The following ZFAT variants were observed in gnomAD, a reference collection of about 807,000 sequenced individuals.
ZFAT encodes the protein zinc finger and AT-hook domain containing.
In ZFAT, 64 loss-of-function variants were observed where a neutral mutation model predicts 117.7. The ratio of observed to expected loss-of-function variants is 0.54; its 90% CI spans 0.44 to 0.67. The LOEUF is 0.67. ZFAT is among the 30% of genes least tolerant of loss of function. The pLI, the probability that ZFAT is intolerant of heterozygous loss-of-function variation, is 0.00. For synonymous variants in ZFAT, 679 were observed against 615.0 expected (o/e 1.10, Z -1.54); for missense variants, 1,433 against 1,584.5 (o/e 0.90, Z 1.62).
chr8:134,743,086 C>T, the ZFAT span, among the ~76,000 whole-genome samples: 1 of 152,264 alleles, frequency 6.6e-6, no homozygotes, highest in Non-Finnish European at 1.5e-5. Context: ...AGTGGCCGAT[C>T]CATGACTGAA....
chr8:134,562,953 G>A (rs923810602), intron 11 of ZFAT, among the ~76,000 whole-genome samples: 1 of 152,188 alleles, frequency 6.6e-6, no homozygotes, highest in African/African-American at 2.4e-5. Flanking sequence ...AGGAATGATT[G>A]AAAAGTCTAG....
chr8:134,494,495 C>T (rs1048151525), intron 15 of ZFAT, among the ~76,000 whole-genome samples: 2 of 152,162 alleles, frequency 1.3e-5, no homozygotes, highest in African/African-American at 4.8e-5. Flanking sequence ...CTGACGCACA[C>T]TCTTCTCCCC....
the ZFAT span, among the ~76,000 whole-genome samples, chr8:134,781,124 C>A: frequency 4.3e-4 from 66 of 151,988 alleles, no homozygotes; most frequent in East Asian, 3.3e-3. Flanking sequence ...TAGAAATCTT[C>A]TTATTATTTA....
intron 7 of ZFAT, among the ~76,000 whole-genome samples, chr8:134,592,772 T>C (rs1260643182): frequency 6.6e-6 from 1 of 152,080 alleles, no homozygotes; most frequent in Non-Finnish European, 1.5e-5. Flanking sequence ...AGGAGCACCC[T>C]CCACCTCCTT....
intron 9 of ZFAT, among the ~76,000 whole-genome samples, chr8:134,585,155 G>C (rs1190164744): frequency 2.0e-5 from 3 of 152,166 alleles, no homozygotes; most frequent in Admixed American, 6.5e-5. Flanking sequence ...CAGAGCACCA[G>C]ATCCCTCGTT....
At chr8:134,765,255 A>G in the ZFAT span, 1 of 152,254 alleles carries the variant, frequency 6.6e-6, no homozygotes, top group Non-Finnish European at 1.5e-5. Context: ...TGCTTTCACT[A>G]GACTGAACCA....
chr8:134,500,912 T>C (rs995501777), intron 15 of ZFAT, among the ~76,000 whole-genome samples: 2 of 152,242 alleles, frequency 1.3e-5, no homozygotes, highest in African/African-American at 4.8e-5. Flanking sequence ...GCTACCTGCA[T>C]GTATAATTAG....
intron 11 of ZFAT, among the ~76,000 whole-genome samples, chr8:134,544,842 G>A (rs2130655000): frequency 6.6e-6 from 1 of 152,268 alleles, no homozygotes; most frequent in South Asian, 2.1e-4. Flanking sequence ...ACCAAGAGAG[G>A]CTAATGCATG....
chr8:134,818,073 T>C, the ZFAT span, among the ~76,000 whole-genome samples: 6 of 152,164 alleles, frequency 3.9e-5, no homozygotes, highest in African/African-American at 9.7e-5. Context: ...TTTGTTGACC[T>C]TGAATTACGC....
the ZFAT span, among the ~76,000 whole-genome samples, chr8:134,824,940 C>CTGGCATAAG: frequency 6.6e-6 from 1 of 152,180 alleles, no homozygotes; most frequent in South Asian, 2.1e-4. Context: ...TAGAATGTAA[C>CTGGCATAAG]TGGCATAAGT....
intron 1 of ZFAT, among the ~76,000 whole-genome samples, chr8:134,661,450 C>G (rs983380757): frequency 3.9e-5 from 6 of 152,336 alleles, no homozygotes; most frequent in East Asian, 3.9e-4. Context: ...TGTGCCAGCT[C>G]CCCTGCGTGT....
intron 1 of ZFAT, among the ~76,000 whole-genome samples, chr8:134,691,916 AC>A (rs1259582536): frequency 2.6e-5 from 4 of 152,274 alleles, no homozygotes; most frequent in East Asian, 1.9e-4. Context: ...CACTTAAGAA[AC>A]CCTGAGAATA....
At chr8:134,525,408 T>A (rs1820952448) in intron 12 of ZFAT, among the ~76,000 whole-genome samples, 1 of 152,230 alleles carries the variant, frequency 6.6e-6, no homozygotes, top group Non-Finnish European at 1.5e-5. Flanking sequence ...TATCTCAGGC[T>A]GCTATGTTTA....
At chr8:134,717,120 T>C (rs1016673939), upstream of ZFAT, among the ~76,000 whole-genome samples, 3 of 152,210 alleles carry the variant, frequency 2.0e-5, no homozygotes. Flanking sequence ...ATTAAACTGC[T>C]ATATGGCCCT....
chr8:134,704,019 T>C (rs1834082590), intron 1 of ZFAT, among the ~76,000 whole-genome samples: 1 of 152,184 alleles, frequency 6.6e-6, no homozygotes, highest in Non-Finnish European at 1.5e-5. Context: ...GTGGGGACCA[T>C]TTTCATGTAA....
chr8:134,734,082 G>A, the ZFAT span, among the ~76,000 whole-genome samples: 1 of 152,224 alleles, frequency 6.6e-6, no homozygotes, highest in Non-Finnish European at 1.5e-5. Context: ...CCGTTATTAA[G>A]GGGTTTTTGC....
chr8:134,796,995 A>G, the ZFAT span: 1 of 152,322 alleles, frequency 6.6e-6, no homozygotes, highest in East Asian at 1.9e-4. Flanking sequence ...TTATAACATT[A>G]AAAAAGTTTA....
chr8:134,779,847 G>A, the ZFAT span, among the ~76,000 whole-genome samples: 2 of 152,136 alleles, frequency 1.3e-5, no homozygotes, highest in East Asian at 1.9e-4. Flanking sequence ...TATATTGATC[G>A]TTTTATACCC....
the ZFAT span, among the ~76,000 whole-genome samples, chr8:134,726,225 AG>A: frequency 6.6e-6 from 1 of 152,098 alleles, no homozygotes; most frequent in Non-Finnish European, 1.5e-5. Flanking sequence ...AACTTGGAAG[AG>A]GGCCAAGCGG....
Sources: gnomAD v4.1 joint callset for allele counts (sites outside exome capture counted in the v4.1 genomes callset) on GRCh38, gnomAD v4.1.1 for gene constraint, MANE v1.5 for transcripts, NCBI Gene and HGNC (gene_info 2026-07-23, HGNC 2026-07-21) for gene names.